STRN3: variants seen among roughly 807,000 people sequenced by gnomAD.
STRN3 encodes the protein striatin-3.
Under a neutral mutation model 95.6 loss-of-function variants are expected in STRN3, and 29 were observed. The observed-to-expected ratio is 0.30, with a 90% confidence interval of 0.23 to 0.41. STRN3 has a LOEUF of 0.41. STRN3 is among the 10% of genes least tolerant of loss of function. STRN3 has a pLI of 1.00. For synonymous variants in STRN3, 331 were observed against 357.6 expected (o/e 0.93, Z 0.84); for missense variants, 890 against 972.1 (o/e 0.92, Z 1.12).
chr14:31,021,453 T>C (rs1883502906), intron 1 of STRN3, among the ~76,000 whole-genome samples: 1 of 152,172 alleles, frequency 6.6e-6, no homozygotes, highest in South Asian at 2.1e-4. Flanking sequence ...GAATACTGAA[T>C]GAATTAAATG....
chr14:30,924,393 T>C (rs184599116), intron 8 of STRN3, among the ~76,000 whole-genome samples: 4 of 149,432 alleles, frequency 2.7e-5, no homozygotes, highest in Non-Finnish European at 5.9e-5. Context: ...GTTCAAGCGA[T>C]TCTCCTGCCT....
chr14:30,912,371 A>G, intron 10 of STRN3, 189 bp from the exon 11 acceptor site: 1 of 459,214 alleles, frequency 2.2e-6, no homozygotes, highest in East Asian at 3.7e-5. Flanking sequence ...AACTCAGAAT[A>G]ATTTCATTCG....
intron 8 of STRN3, among the ~76,000 whole-genome samples, chr14:30,927,067 G>A (rs1299318439): frequency 6.6e-6 from 1 of 151,936 alleles, no homozygotes; most frequent in African/African-American, 2.4e-5. Flanking sequence ...ACTCTGAAAA[G>A]CTGAGGTGGA....
In STRN3 at chr14:31,026,335, A is replaced by G. The variant is rs1044939034; in HGVS notation, c.-150T>C. On this transcript the variant is annotated 5_prime_UTR_variant, in exon 1 of 18. Coordinates refer to ENST00000357479, the MANE Select transcript of STRN3 (RefSeq NM_001083893.2). ...TTGCTGTGTGCCTGCCGTGGGTCAG[A>G]GCAGGGAGCTGCCGGCTGCCGCCAT... The G allele has an allele frequency of 3.2e-5, 23 of 725,594 alleles. No individual in the cohort carries two copies. The highest frequency in any genetic ancestry group is 9.4e-5 in the Admixed American group (2 of 21,250). 44.9% of individuals were successfully genotyped at this position (725,594 alleles called of 1,614,324 possible). A position where few individuals can be genotyped will look rare whatever the true frequency, so the allele number is the denominator to read the frequency against.
chr14:30,920,975 T>C (rs1001511302), intron 8 of STRN3, among the ~76,000 whole-genome samples: 1 of 152,046 alleles, frequency 6.6e-6, no homozygotes, highest in African/African-American at 2.4e-5. Flanking sequence ...AATTTCCACA[T>C]AGTTTCAGTG....
chr14:30,953,471 A>G (rs968673969), intron 3 of STRN3, among the ~76,000 whole-genome samples: 3 of 152,242 alleles, frequency 2.0e-5, no homozygotes, highest in African/African-American at 4.8e-5. Flanking sequence ...TTATGCTAAC[A>G]TATCACAATG....
chr14:30,902,441 G>T (rs1414091422), intron 16 of STRN3, 95 bp downstream of exon 16: 3 of 781,092 alleles, frequency 3.8e-6, no homozygotes, highest in African/African-American at 1.8e-5. Flanking sequence ...TGGCAATTTC[G>T]TATCTGAAAA....
intron 1 of STRN3, among the ~76,000 whole-genome samples, chr14:31,006,072 T>C (rs1882695975): frequency 7.1e-6 from 1 of 140,960 alleles, no homozygotes; most frequent in Non-Finnish European, 1.5e-5. Context: ...TAAGCCGAGA[T>C]CGCGCCACTG....
At chr14:30,911,683 C>T (rs1896613526) in intron 12 of STRN3, 94 bp downstream of exon 12, 8 of 1,140,124 alleles carry the variant, frequency 7.0e-6, no homozygotes, top group Middle Eastern at 2.4e-4. Context: ...TTTTCTAATA[C>T]AAAACATTGA....
chr14:30,945,254 G>T (rs188512188), intron 5 of STRN3, among the ~76,000 whole-genome samples: 1 of 152,278 alleles, frequency 6.6e-6, no homozygotes. Flanking sequence ...AAAGAGTTTG[G>T]CAGGTCCTCA....
intron 7 of STRN3, among the ~76,000 whole-genome samples, chr14:30,931,650 A>G (rs573096624): frequency 4.6e-5 from 7 of 152,358 alleles, no homozygotes; most frequent in Admixed American, 2.0e-4. Context: ...CAATAAATGA[A>G]CATTCTTAAA....
chr14:30,914,391 C>T (rs1896682812), intron 9 of STRN3, among the ~76,000 whole-genome samples: 1 of 152,108 alleles, frequency 6.6e-6, no homozygotes, highest in African/African-American at 2.4e-5. Context: ...CTTGCTCTGT[C>T]GCCCAGGCTG....
intron 1 of STRN3, among the ~76,000 whole-genome samples, chr14:30,997,535 A>G (rs942850526): frequency 2.0e-5 from 3 of 152,198 alleles, no homozygotes; most frequent in African/African-American, 7.2e-5. Flanking sequence ...GGAAACCCTA[A>G]TAAAGGCTCT....
rs557345889 is a variant in STRN3 at position 31,007,427 on chromosome 14, G to C, written c.282+18477C>G. 5.9e-5 allele frequency among the ~76,000 whole-genome samples: 9 copies of C among 152,026 alleles called. No homozygotes were observed. In the South Asian group the frequency reaches 1.5e-3, roughly 25 times the overall value. The stretch of plus-strand genomic sequence containing the variant: ...ATAGCAATACATACCTAGAAAACTA[G>C]GCAAATTAAAAAAGGAGGCAAATAA... On this transcript the variant is annotated intron_variant, in intron 1 of 17. Transcript: ENST00000357479.
At chr14:30,950,409 A>C (rs1484030480) in intron 4 of STRN3, among the ~76,000 whole-genome samples, 1 of 152,234 alleles carries the variant, frequency 6.6e-6, no homozygotes, top group African/African-American at 2.4e-5. Flanking sequence ...TTGCCAGAGA[A>C]ATATTTCCAA....
At chr14:31,009,659 TTAAC>T (rs1181580355) in intron 1 of STRN3, among the ~76,000 whole-genome samples, 14 of 151,470 alleles carry the variant, frequency 9.2e-5, no homozygotes, top group Non-Finnish European at 1.3e-4. Flanking sequence ...ATGTATTACT[TTAAC>T]TACAAATAAA....
At chr14:31,000,976 C>T (rs1204211536) in intron 1 of STRN3, among the ~76,000 whole-genome samples, 3 of 152,144 alleles carry the variant, frequency 2.0e-5, no homozygotes, top group Non-Finnish European at 4.4e-5. Context: ...GAACTCCCCA[C>T]CAGATAGGGT....
At chr14:30,926,834 T>C (rs1246017379) in intron 8 of STRN3, among the ~76,000 whole-genome samples, 1 of 152,186 alleles carries the variant, frequency 6.6e-6, no homozygotes, top group Non-Finnish European at 1.5e-5. Flanking sequence ...TCTCCAGTAC[T>C]GATTCAGTCA....
At chr14:30,957,111 T>C (rs908022573) in intron 1 of STRN3, among the ~76,000 whole-genome samples, 3 of 151,868 alleles carry the variant, frequency 2.0e-5, no homozygotes, top group Admixed American at 6.6e-5. Context: ...TGAGCCGAGA[T>C]GGTGCCACTG....
Sources: gnomAD v4.1 joint callset for allele counts (sites outside exome capture counted in the v4.1 genomes callset) on GRCh38, gnomAD v4.1.1 for gene constraint, MANE v1.5 for transcripts, NCBI Gene and HGNC (gene_info 2026-07-23, HGNC 2026-07-21) for gene names.